Variants in KIF14 observed in about 807,000 individuals in gnomAD.
The protein encoded by KIF14 is kinesin family member 14.
A neutral mutation model predicts 176.2 loss-of-function variants in KIF14; 98 were observed. The observed-to-expected ratio is 0.56, with a 90% CI of 0.47 to 0.66. KIF14 has a LOEUF of 0.66. Among genes scored for constraint, KIF14 ranks in the 30% least tolerant of loss-of-function variants. The pLI, the probability that KIF14 is intolerant of heterozygous loss-of-function variation, is 0.00. For missense variants in KIF14, 1,751 were observed against 1,920.4 expected, an observed-to-expected ratio of 0.91 and a Z score of 1.65; for synonymous variants, 566 against 632.2, an observed-to-expected ratio of 0.90 and a Z score of 1.57.
intron 3 of KIF14, 120 bp downstream of exon 3, chr1:200,615,235 T>A: frequency 4.7e-6 from 5 of 1,069,748 alleles, no homozygotes; most frequent in Non-Finnish European, 6.8e-6. Context: ...ATAAAATGGA[T>A]GAGATTTGGG....
chr1:200,600,287 T>A (rs1659559124), intron 12 of KIF14, 69 bp downstream of exon 12: 2 of 1,488,366 alleles, frequency 1.3e-6, no homozygotes, highest in Non-Finnish European at 1.9e-6. Context: ...AGTATCCTCT[T>A]GAGGTCCCTG....
rs758397731 is a variant in KIF14 at position 200,592,221 on chromosome 1, C to T, written c.2672G>A (p.Gly891Asp). 1.9e-6 allele frequency: 3 copies of T among 1,613,358 alleles called. No homozygotes were observed. The Admixed American group carries it at 5.0e-5, about 27-fold the overall frequency. The change falls in exon 16 of 30, where the codon GGT becomes GAT. Residue 891 changes from glycine to aspartate, a missense_variant. Transcript: ENST00000367350. ...ATTAAATCTAAAATAATGATCTCCACCAAGAATCACTCGATCACCCTAAAG... is the reference window on the plus strand; with the variant it reads ...ATTAAATCTAAAATAATGATCTCCATCAAGAATCACTCGATCACCCTAAAG... The part of the protein sequence containing the change: ...VLRHGDRVIL[G>D]GDHYFRFNHP...
chr1:200,572,230 G>C (rs1354397309), intron 22 of KIF14, among the ~76,000 whole-genome samples: 1 of 152,210 alleles, frequency 6.6e-6, no homozygotes, highest in African/African-American at 2.4e-5. Context: ...CGAAATCTTA[G>C]AAAACATTGA....
chr1:200,603,735 T>C (rs1659738521), intron 9 of KIF14, 104 bp downstream of exon 9: 2 of 705,200 alleles, frequency 2.8e-6, no homozygotes, highest in Admixed American at 4.4e-5. Flanking sequence ...AAACTGCAGA[T>C]AAAGATATAT....
chr1:200,562,610 C>A (rs537645541), intron 25 of KIF14, among the ~76,000 whole-genome samples: 17 of 152,264 alleles, frequency 1.1e-4, no homozygotes, highest in African/African-American at 3.6e-4. Flanking sequence ...AAGCACTGAC[C>A]ATCCTTCAAC....
chr1:200,600,697 C>T (rs1659582875), intron 11 of KIF14, among the ~76,000 whole-genome samples, 194 bp from the exon 12 acceptor site: 1 of 152,084 alleles, frequency 6.6e-6, no homozygotes, highest in Admixed American at 6.6e-5. Context: ...CTGAAATATG[C>T]TCCCATATTA....
At chr1:200,565,721 T>A (rs749208367) in intron 23 of KIF14, 52 bp from the exon 24 acceptor site, 23 of 1,205,254 alleles carry the variant, frequency 1.9e-5, no homozygotes, top group Non-Finnish European at 2.6e-5. Context: ...AATAATACTT[T>A]CTTTTTTAAA....
chr1:200,607,380 C>T (rs957941488), intron 5 of KIF14, among the ~76,000 whole-genome samples: 14 of 152,258 alleles, frequency 9.2e-5, no homozygotes, highest in African/African-American at 3.1e-4. Flanking sequence ...CTCAAGTGAT[C>T]CGCCCACCTC....
At position 200,580,284 on chromosome 1, in the gene KIF14, A is replaced by G. The variant is rs781139398; in HGVS notation, c.3435T>C (p.Ser1145=). The G allele has an allele frequency of 4.0e-6, 6 of 1,482,334 alleles. No individual in the cohort carries two copies. The highest frequency in any genetic ancestry group is 5.4e-6 in the Non-Finnish European group (6 of 1,106,662). The allele number at this position is 1,482,334 out of a possible 1,614,324, so 91.8% of individuals were successfully genotyped here. Residue 1145 remains serine (S), a synonymous_variant, in exon 21 of 30, where the codon TCT becomes TCC. Coordinates refer to ENST00000367350, the MANE Select transcript of KIF14 (RefSeq NM_014875.3). The part of the protein sequence containing the change: ...STFWSLEKFE[S]KLAAMKELYE... ...AAAGTTCTTTCATTGCTGCAAGTTTAGATTCAAACTTTTCCAGACTCCAGA... is the reference window on the plus strand; with the variant it reads ...AAAGTTCTTTCATTGCTGCAAGTTTGGATTCAAACTTTTCCAGACTCCAGA...
At chr1:200,560,952 CG>C in intron 25 of KIF14, 72 bp from the exon 26 acceptor site, 14 of 1,395,780 alleles carry the variant, frequency 1.0e-5, no homozygotes, top group Non-Finnish European at 1.4e-5. Flanking sequence ...AGATAAGGGC[CG>C]GGCACAGCGG....
chr1:200,613,663 A>C (rs1460876436), intron 4 of KIF14, among the ~76,000 whole-genome samples: 1 of 152,114 alleles, frequency 6.6e-6, no homozygotes, highest in Admixed American at 6.5e-5. Flanking sequence ...CTGACTCAGA[A>C]CCCCCAGAAG....
chr1:200,566,592 C>CAA lies in KIF14; in HGVS notation c.3662-925_3662-924dup, dbSNP rs35965593. Among the ~76,000 whole-genome samples the CAA allele has an allele frequency of 5.8e-3, 793 of 135,750 alleles. 6 individuals carry two copies. Among genetic ancestry groups the CAA allele is most frequent in the South Asian group, 0.023 (95 of 4,200 alleles). 89.1% of individuals were successfully genotyped at this position (135,750 alleles called of 152,430 possible). ...TGGGCAACAGAACAAGACTCTGTCTCAAAAAAAAAAAAGAGAGACAGACAG... is the reference window on the plus strand; with the variant it reads ...TGGGCAACAGAACAAGACTCTGTCTCAAAAAAAAAAAAAAGAGAGACAGACAG... On this transcript the variant is annotated intron_variant, in intron 23 of 29. Coordinates refer to ENST00000367350, the MANE Select transcript of KIF14 (RefSeq NM_014875.3).
chr1:200,569,203 A>C (rs1382535085), intron 23 of KIF14, among the ~76,000 whole-genome samples: 1 of 152,002 alleles, frequency 6.6e-6, no homozygotes, highest in African/African-American at 2.4e-5. Context: ...AGGATTACAG[A>C]CGTGAGCTAC....
chr1:200,616,405 T>C (rs1660407980), intron 2 of KIF14, among the ~76,000 whole-genome samples: 1 of 152,246 alleles, frequency 6.6e-6, no homozygotes, highest in South Asian at 2.1e-4. Flanking sequence ...TCTTGCATTT[T>C]GTCCCTACCA....
chr1:200,599,932 A>G, intron 13 of KIF14, 118 bp downstream of exon 13: 1 of 648,046 alleles, frequency 1.5e-6, no homozygotes, highest in South Asian at 2.0e-5. Flanking sequence ...CTTTGTACAG[A>G]GTCAGTATAT....
rs569463186 is a variant in KIF14, at chr1:200,603,680, C to T, written c.1863+159G>A. Among the ~76,000 whole-genome samples the T allele has an allele frequency of 8.5e-5, 13 of 152,266 alleles. No individual in the cohort carries two copies. The East Asian group carries it at 2.3e-3, about 27-fold the overall frequency. On this transcript the variant is annotated intron_variant, in intron 9 of 29. Coordinates refer to ENST00000367350, the MANE Select transcript of KIF14 (RefSeq NM_014875.3). Reference sequence around the variant, plus strand: ...TATTTTCTTTAAAAATTAATCATAACCAAAAAGTACGTATCTCTTTTTCAA... The same window carrying T: ...TATTTTCTTTAAAAATTAATCATAATCAAAAAGTACGTATCTCTTTTTCAA...
At chr1:200,576,341 G>A (rs1183594966) in intron 21 of KIF14, among the ~76,000 whole-genome samples, 1 of 151,880 alleles carries the variant, frequency 6.6e-6, no homozygotes, top group South Asian at 2.1e-4. Context: ...AGCCGGGCGT[G>A]GTAGCGGGCG....
At chr1:200,591,049 A>C (rs530832826) in intron 16 of KIF14, among the ~76,000 whole-genome samples, 20 of 148,546 alleles carry the variant, frequency 1.3e-4, no homozygotes, top group South Asian at 1.3e-3. Context: ...AAAAACAAAC[A>C]AAAAAAAAAC....
At chr1:200,557,994 C>T (rs1430459831) in intron 27 of KIF14, among the ~76,000 whole-genome samples, 7 of 152,190 alleles carry the variant, frequency 4.6e-5, no homozygotes, top group African/African-American at 7.2e-5. Context: ...CTTGCTCTGT[C>T]GCCCAGGCTG....
Sources: allele counts gnomAD v4.1 joint callset (sites outside exome capture counted in the v4.1 genomes callset), GRCh38; gene constraint gnomAD v4.1.1; transcripts MANE v1.5; gene names NCBI Gene and HGNC (gene_info 2026-07-23, HGNC 2026-07-21).